KIF21A: variants seen among roughly 807,000 people sequenced by gnomAD.
KIF21A encodes the protein kinesin-like protein KIF21A.
KIF21A carries 114 observed loss-of-function variants against 202.9 expected under a neutral mutation model. That is an observed-to-expected ratio of 0.56 (90% CI 0.48 to 0.66). KIF21A has a LOEUF of 0.66. Ranked by LOEUF, KIF21A falls within the 30% of genes least tolerant of loss-of-function variation. The pLI is 0.00. For missense variants in KIF21A, 1,677 were observed against 1,994.9 expected (o/e 0.84, Z 3.04); for synonymous variants, 667 against 670.8 (o/e 0.99, Z 0.09).
intron 16 of KIF21A, chr12:39,337,476 T>A (rs538407365): frequency 2.5e-6 from 1 of 399,288 alleles, no homozygotes; most frequent in Non-Finnish European, 4.6e-6. Context: ...TAGCTTACTA[T>A]CAGTAGCTGT....
At chr12:39,430,437 G>A (rs1398413207) in intron 1 of KIF21A, among the ~76,000 whole-genome samples, 1 of 151,720 alleles carries the variant, frequency 6.6e-6, no homozygotes, top group Non-Finnish European at 1.5e-5. Context: ...TTGGTGGCAG[G>A]CACCTGTAAT....
chr12:39,389,018 T>C (rs768203732), intron 1 of KIF21A, among the ~76,000 whole-genome samples: 16 of 152,194 alleles, frequency 1.1e-4, no homozygotes, highest in Non-Finnish European at 2.1e-4. Flanking sequence ...GTAAATTTTG[T>C]ATTAGTACAT....
intron 1 of KIF21A, among the ~76,000 whole-genome samples, chr12:39,407,615 C>A (rs1019604553): frequency 3.9e-5 from 6 of 152,136 alleles, no homozygotes; most frequent in African/African-American, 1.4e-4. Flanking sequence ...TCTCATTTTA[C>A]AGAAGATAAA....
intron 1 of KIF21A, among the ~76,000 whole-genome samples, chr12:39,414,315 A>G (rs981501885): frequency 6.6e-6 from 1 of 152,200 alleles, no homozygotes; most frequent in Admixed American, 6.5e-5. Flanking sequence ...GCAGACCAAA[A>G]GTGCTCACTA....
intron 1 of KIF21A, among the ~76,000 whole-genome samples, chr12:39,420,177 C>T (rs1010290991): frequency 5.3e-5 from 8 of 151,940 alleles, no homozygotes; most frequent in African/African-American, 1.7e-4. Context: ...TTCTCATTGC[C>T]CAACTGGACA....
Position 39,363,196 on chromosome 12 carries a change from T to A in KIF21A, c.921A>T (p.Val307=). 1 of 1,610,004 alleles carries A rather than the reference T, an allele frequency of 6.2e-7. No individual in the cohort carries two copies. Among genetic ancestry groups the A allele is most frequent in the Non-Finnish European group, 8.5e-7 (1 of 1,176,628 alleles). Residue 307 remains valine (V), a synonymous_variant, in exon 7 of 38, where the codon GTA becomes GTT. Transcript: ENST00000361418. ...INCGLLALGN[V]ISALGDKSKR... is the part of the protein sequence containing the mutation. ...TGCTCTTGTCTCCCAAGGCACTTAT[T>A]ACATTGCCAAGTGCCAACTAAAAGA...
intron 1 of KIF21A, among the ~76,000 whole-genome samples, chr12:39,432,950 A>C (rs1204504281): frequency 6.6e-6 from 1 of 152,196 alleles, no homozygotes; most frequent in African/African-American, 2.4e-5. Flanking sequence ...TAGAGGGGTA[A>C]ATATCAAGCT....
chr12:39,415,106 GA>G (rs961352097), intron 1 of KIF21A, among the ~76,000 whole-genome samples: 4 of 151,744 alleles, frequency 2.6e-5, no homozygotes, highest in African/African-American at 9.7e-5. Context: ...TCTTTCTTAG[GA>G]AGGCTGTTCA....
chr12:39,399,997 A>G (rs891123531), intron 1 of KIF21A, among the ~76,000 whole-genome samples: 1 of 152,192 alleles, frequency 6.6e-6, no homozygotes, highest in African/African-American at 2.4e-5. Flanking sequence ...TATTTATTCT[A>G]TTTACCACAT....
rs1948810904 is a variant in KIF21A, at chr12:39,356,839, C to A, written c.1462G>T (p.Asp488Tyr). Residue 488 changes from aspartate (D) to tyrosine (Y), a missense_variant, in exon 10 of 38, where the codon GAT (aspartate) becomes TAT (tyrosine). This residue lies in a region of KIF21A where 966 missense variants were observed against 1,180.9 expected (regional missense o/e 0.82). Transcript: ENST00000361418. ...ACAGAACATGAACTATACCTGAGAT[C>A]TTCGATTTCTTTTATATAACTATGA... The part of the protein sequence containing the change: ...MIHSYIKEIE[D>Y]LRAKLLESEA... The A allele has an allele frequency of 8.3e-7, 1 of 1,208,844 alleles. No homozygotes were observed. Among genetic ancestry groups the A allele is most frequent in the East Asian group, 2.3e-5 (1 of 42,780 alleles). The allele number at this position is 1,208,844 out of a possible 1,614,324, so 74.9% of individuals were successfully genotyped here.
intron 1 of KIF21A, among the ~76,000 whole-genome samples, chr12:39,404,216 A>G (rs1302820863): frequency 6.6e-6 from 1 of 152,178 alleles, no homozygotes; most frequent in Non-Finnish European, 1.5e-5. Flanking sequence ...GTCCTGACTC[A>G]GCCTCCCAAG....
intron 12 of KIF21A, among the ~76,000 whole-genome samples, chr12:39,342,935 G>A (rs189479255): frequency 1.2e-4 from 18 of 152,220 alleles, no homozygotes; most frequent in African/African-American, 4.1e-4. Context: ...GAGAAGTTTC[G>A]TACACCCAAA....
chr12:39,305,040 C>T, intron 34 of KIF21A, 102 bp from the exon 35 acceptor site: 2 of 702,632 alleles, frequency 2.8e-6, no homozygotes, highest in South Asian at 1.6e-5. Context: ...AAATAATTCA[C>T]TAACTTTTTT....
chr12:39,439,549 A>T (rs1448532898), intron 1 of KIF21A, among the ~76,000 whole-genome samples: 1 of 152,212 alleles, frequency 6.6e-6, no homozygotes, highest in Non-Finnish European at 1.5e-5. Flanking sequence ...AGTAGATCCA[A>T]GTTGTTCAAA....
chr12:39,433,691 C>A (rs1938275450), intron 1 of KIF21A, among the ~76,000 whole-genome samples: 1 of 152,032 alleles, frequency 6.6e-6, no homozygotes, highest in Admixed American at 6.5e-5. Context: ...ACACGAAGAA[C>A]TGTACTAATT....
chr12:39,350,365 A>G (rs1216088477), intron 11 of KIF21A, among the ~76,000 whole-genome samples: 1 of 152,060 alleles, frequency 6.6e-6, no homozygotes, highest in Non-Finnish European at 1.5e-5. Flanking sequence ...CTCAAAAGGA[A>G]AAAGCAGTAT....
intron 15 of KIF21A, 48 bp from the exon 16 acceptor site, chr12:39,340,412 T>C: frequency 7.1e-7 from 1 of 1,400,436 alleles, no homozygotes; most frequent in South Asian, 1.2e-5. Context: ...GAGACACAGA[T>C]TTTTATTTCA....
intron 29 of KIF21A, among the ~76,000 whole-genome samples, chr12:39,316,186 T>G (rs1484703136): frequency 1.3e-5 from 2 of 152,058 alleles, no homozygotes; most frequent in Non-Finnish European, 2.9e-5. Context: ...TAGCAAGACT[T>G]TGGGGGCTAA....
At chr12:39,417,500 A>C (rs965720515) in intron 1 of KIF21A, among the ~76,000 whole-genome samples, 1 of 152,234 alleles carries the variant, frequency 6.6e-6, no homozygotes, top group Non-Finnish European at 1.5e-5. Flanking sequence ...GTAAGGGAAC[A>C]GTTATGTGAG....
Sources: allele counts gnomAD v4.1 joint callset (sites outside exome capture counted in the v4.1 genomes callset), GRCh38; gene constraint gnomAD v4.1.1; regional missense constraint gnomAD v4.1.1; transcripts MANE v1.5; gene names NCBI Gene and HGNC (gene_info 2026-07-23, HGNC 2026-07-21).